The following TMEM117 variants were observed in gnomAD, a reference collection of about 807,000 sequenced individuals.
TMEM117 encodes transmembrane protein 117.
In TMEM117, 27 loss-of-function variants were observed where a neutral mutation model predicts 52.4. The observed-to-expected ratio is 0.51, with a 90% CI of 0.38 to 0.71. TMEM117 has a LOEUF of 0.71. Among genes scored for constraint, TMEM117 ranks in the 30% least tolerant of loss-of-function variants. The pLI, the probability that TMEM117 is intolerant of heterozygous loss-of-function variation, is 0.00. For synonymous variants in TMEM117, 215 were observed against 206.3 expected, an observed-to-expected ratio of 1.04 and a Z score of -0.36; for missense variants, 556 against 630.5, an observed-to-expected ratio of 0.88 and a Z score of 1.26.
At chr12:43,969,597 C>T (rs1457721039) in intron 3 of TMEM117, among the ~76,000 whole-genome samples, 1 of 152,058 alleles carries the variant, frequency 6.6e-6, no homozygotes, top group Non-Finnish European at 1.5e-5. Context: ...TGGCATTCAA[C>T]TTGTACTTCT....
chr12:44,087,586 C>T (rs1227860828), intron 3 of TMEM117, among the ~76,000 whole-genome samples: 2 of 151,976 alleles, frequency 1.3e-5, no homozygotes, highest in African/African-American at 4.8e-5. Flanking sequence ...CCTCAGCCTG[C>T]CGAGAGCAGC....
intron 3 of TMEM117, among the ~76,000 whole-genome samples, chr12:44,097,229 G>C (rs896837661): frequency 1.3e-5 from 2 of 152,128 alleles, no homozygotes; most frequent in African/African-American, 4.8e-5. Context: ...GTGCTGGAGA[G>C]GATGTGGAGA....
At chr12:44,100,118 G>A (rs1265217857) in intron 3 of TMEM117, among the ~76,000 whole-genome samples, 1 of 151,894 alleles carries the variant, frequency 6.6e-6, no homozygotes, top group African/African-American at 2.4e-5. Flanking sequence ...CCTCTATAAT[G>A]GGATAGACAT....
intron 3 of TMEM117, among the ~76,000 whole-genome samples, chr12:44,142,657 T>G (rs1334002240): frequency 6.6e-6 from 1 of 151,918 alleles, no homozygotes; most frequent in African/African-American, 2.4e-5. Flanking sequence ...GGAGCAAAAT[T>G]TAAGATAAAA....
At chr12:43,809,305 C>T in the TMEM117 span, among the ~76,000 whole-genome samples, 6 of 152,202 alleles carry the variant, frequency 3.9e-5, no homozygotes, top group Admixed American at 6.5e-5. Flanking sequence ...GCACTATTTG[C>T]GTTAGATTTT....
chr12:44,115,076 A>G (rs1316085913), intron 3 of TMEM117, among the ~76,000 whole-genome samples: 11 of 152,212 alleles, frequency 7.2e-5, no homozygotes, highest in Non-Finnish European at 1.3e-4. Context: ...GCAAATATGT[A>G]GCATATGCGT....
chr12:44,027,401 T>G (rs1946559472), intron 3 of TMEM117, among the ~76,000 whole-genome samples: 1 of 152,012 alleles, frequency 6.6e-6, no homozygotes, highest in Admixed American at 6.6e-5. Context: ...CTTGAACTCC[T>G]GACCTCAAGT....
chr12:44,242,103 T>C, intron 5 of TMEM117, among the ~76,000 whole-genome samples: 1 of 151,534 alleles, frequency 6.6e-6, no homozygotes, highest in East Asian at 1.9e-4. Flanking sequence ...CTCATCATGT[T>C]TTCCAGTCAA....
chr12:44,073,376 C>T (rs1296784948), intron 3 of TMEM117: 1 of 150,826 alleles, frequency 6.6e-6, no homozygotes, highest in African/African-American at 2.5e-5. Context: ...TGCCCCCACC[C>T]CCAATACCCC....
intron 6 of TMEM117, among the ~76,000 whole-genome samples, chr12:44,324,332 A>G (rs1951170115): frequency 6.6e-6 from 1 of 152,014 alleles, no homozygotes; most frequent in Non-Finnish European, 1.5e-5. Context: ...CTTCAATATC[A>G]TTACTATGCT....
In TMEM117 at chr12:43,941,855, T is replaced by G. The variant is rs553889695; in HGVS notation, c.278-2355T>G. On this transcript the variant is annotated intron_variant, in intron 2 of 7. Transcript: ENST00000266534. ...AAATGGTACTGCCACATCTCTCTTT[T>G]TGCTAACTTTGTATTATTTCCACCT... 4.6e-5 allele frequency among the ~76,000 whole-genome samples: 7 copies of G among 152,328 alleles called. No individual in the cohort carries two copies. The East Asian group carries it at 1.4e-3, about 29-fold the overall frequency.
intron 4 of TMEM117, among the ~76,000 whole-genome samples, chr12:44,156,160 T>C (rs1360144196): frequency 2.0e-5 from 3 of 152,158 alleles, no homozygotes; most frequent in African/African-American, 2.4e-5. Context: ...ATGCTTGTTA[T>C]AGTAGTCAGG....
At chr12:43,897,549 G>A (rs959385772) in intron 2 of TMEM117, among the ~76,000 whole-genome samples, 12 of 151,880 alleles carry the variant, frequency 7.9e-5, no homozygotes, top group African/African-American at 2.9e-4. Context: ...TCTTGAACTC[G>A]TGATCCGCCC....
chr12:44,368,382 T>C (rs1951819007), intron 6 of TMEM117, among the ~76,000 whole-genome samples: 1 of 152,124 alleles, frequency 6.6e-6, no homozygotes, highest in Admixed American at 6.6e-5. Context: ...ACTGAAACCA[T>C]TGTGAAGAAC....
chr12:44,319,049 G>A (rs1363827490), intron 6 of TMEM117, among the ~76,000 whole-genome samples: 2 of 152,130 alleles, frequency 1.3e-5, no homozygotes, highest in African/African-American at 2.4e-5. Flanking sequence ...AACTACACAC[G>A]GGGAGCACAA....
At chr12:44,246,569 T>C (rs548513211) in intron 5 of TMEM117, among the ~76,000 whole-genome samples, 1 of 152,332 alleles carries the variant, frequency 6.6e-6, no homozygotes, top group East Asian at 1.9e-4. Context: ...CTACAAGGAA[T>C]TTAAGTGACA....
chr12:44,239,167 G>A (rs1017342524), intron 5 of TMEM117, among the ~76,000 whole-genome samples: 2 of 151,918 alleles, frequency 1.3e-5, no homozygotes, highest in East Asian at 1.9e-4. Flanking sequence ...TGTCTTTCAC[G>A]GTATTATGTT....
At chr12:44,066,006 C>CA (rs1947216396) in intron 3 of TMEM117, among the ~76,000 whole-genome samples, 1 of 152,156 alleles carries the variant, frequency 6.6e-6, no homozygotes, top group Non-Finnish European at 1.5e-5. Flanking sequence ...AGAGTAGTCT[C>CA]AGAGACTAGT....
chr12:44,176,952 G>A (rs1461525358), intron 4 of TMEM117, among the ~76,000 whole-genome samples: 1 of 152,078 alleles, frequency 6.6e-6, no homozygotes, highest in Admixed American at 6.6e-5. Flanking sequence ...ATTATATCAT[G>A]GAGGACTAGC....
Sources: gnomAD v4.1 joint callset for allele counts (sites outside exome capture counted in the v4.1 genomes callset) on GRCh38, gnomAD v4.1.1 for gene constraint, MANE v1.5 for transcripts, NCBI Gene and HGNC (gene_info 2026-07-23, HGNC 2026-07-21) for gene names.